The following MGAM variants were observed in gnomAD, a reference collection of about 807,000 sequenced individuals.
MGAM encodes alpha-1,4-glucosidase.
MGAM carries 253 observed loss-of-function variants against 358.8 expected under a neutral mutation model. The ratio of observed to expected loss-of-function variants is 0.71; its 90% CI spans 0.64 to 0.78. The LOEUF (loss-of-function observed/expected upper bound fraction) is 0.78. MGAM is among the 30% of genes least tolerant of loss of function. The pLI, the probability that MGAM is intolerant of heterozygous loss-of-function variation, is 0.00. For missense variants in MGAM, 3,080 were observed against 3,432.6 expected (o/e 0.90, Z 2.57); for synonymous variants, 1,105 against 1,227.1 (o/e 0.90, Z 2.08).
At chr7:142,043,552 AAT>A (rs546398617) in intron 21 of MGAM, among the ~76,000 whole-genome samples, 1,172 of 106,384 alleles carry the variant, frequency 0.011, 220 homozygotes, top group African/African-American at 0.041. Context: ...GATATATCTA[AAT>A]ATATATATTA....
chr7:142,045,421 T>G (rs1286296317), intron 21 of MGAM, among the ~76,000 whole-genome samples: 1 of 111,184 alleles, frequency 9.0e-6, no homozygotes, highest in Admixed American at 1.2e-4. Context: ...TATATATACC[T>G]ATAATACATG....
At position 142,100,838 on chromosome 7, in the gene MGAM, T is replaced by G; in HGVS notation, c.7911T>G (p.Asp2637Glu). 1 of 1,613,252 alleles carries G rather than the reference T, an allele frequency of 6.2e-7. No individual in the cohort carries two copies. Among genetic ancestry groups the G allele is most frequent in the Non-Finnish European group, 8.5e-7 (1 of 1,179,650 alleles). Reference protein sequence around the residue: ...QKFMGFKIALDDEGTAGGWLF... With the variant: ...QKFMGFKIALEDEGTAGGWLF... The stretch of plus-strand genomic sequence containing the variant: ...TCATGGGCTTCAAAATTGCCTTGGA[T>G]GATGAAGGAACTGCTGGGGGCTGGC... Residue 2637 changes from aspartate (D) to glutamate (E), a missense_variant, in exon 68 of 71, where the codon GAT becomes GAG. By Grantham distance (45) the Asp-to-Glu change is conservative (BLOSUM62 2). This residue lies in a region of MGAM where 194 missense variants were observed against 172.8 expected (regional missense o/e 1.12). Transcript: ENST00000475668.
At chr7:142,036,692 G>A (rs1334266266) in intron 17 of MGAM, 131 bp from the exon 18 acceptor site, 8 of 943,890 alleles carry the variant, frequency 8.5e-6, no homozygotes, top group East Asian at 4.9e-5. Flanking sequence ...ACTCAGAAGC[G>A]AGGTTTGCAA....
chr7:142,103,901 G>T (rs1816638777), intron 70 of MGAM, among the ~76,000 whole-genome samples: 1 of 150,462 alleles, frequency 6.6e-6, no homozygotes, highest in African/African-American at 2.4e-5. Context: ...CTGTTGCCCA[G>T]GCTGGAGTGC....
Position 142,083,472 on chromosome 7 carries a change from C to T in MGAM, c.6381+59C>T, listed in dbSNP as rs573312948. 15 of 1,205,730 alleles carry T rather than the reference C, an allele frequency of 1.2e-5. 1 individual carries two copies. The African/African-American group carries it at 1.4e-4, about 11-fold the overall frequency. The allele number at this position is 1,205,730 out of a possible 1,614,324, so 74.7% of individuals were successfully genotyped here. On this transcript the variant is annotated intron_variant, in intron 53 of 70. Transcript: ENST00000475668. ...ATATAGCACATTCTGGGTGCCAGAG[C>T]CCACATTCATTAGTATAACTCTCAG...
chr7:142,052,946 G>T lies in MGAM; in HGVS notation c.3121G>T (p.Asp1041Tyr). ...PSTPVNPLRLDVTYHKNEMLQ... is the reference protein window; with the variant it reads ...PSTPVNPLRLYVTYHKNEMLQ... ...CACACCCGTGAACCCCCTTCGCCTGGATGTCACTTACCATAAGAATGAAAT... is the reference window on the plus strand; with the variant it reads ...CACACCCGTGAACCCCCTTCGCCTGTATGTCACTTACCATAAGAATGAAAT... The change falls in exon 26 of 71, where the codon GAT (aspartate) becomes TAT (tyrosine). Residue 1041 changes from aspartate to tyrosine, a missense_variant. Asp to Tyr is a radical substitution (Grantham distance 160). This residue lies in a region of MGAM where 1,816 missense variants were observed against 1,840.5 expected (regional missense o/e 0.99). Coordinates refer to ENST00000475668, the MANE Select transcript of MGAM (RefSeq NM_001365693.1). 3.7e-6 allele frequency: 6 copies of T among 1,613,798 alleles called. No homozygotes were observed. Among genetic ancestry groups the T allele is most frequent in the Non-Finnish European group, 5.1e-6 (6 of 1,179,832 alleles).
At position 142,050,308 on chromosome 7, in the gene MGAM, C is replaced by G. The variant is rs549226610; in HGVS notation, c.2637+24C>G. On this transcript the variant is annotated intron_variant, in intron 23 of 70. Coordinates refer to ENST00000475668, the MANE Select transcript of MGAM (RefSeq NM_001365693.1). ...AAGTGAGTAGCATATTTTTATGAAT[C>G]TTAGGTGTGGGCTTTGGACTGACCA... is the stretch of plus-strand genomic sequence containing the variant. 3 of 1,609,472 alleles carry G rather than the reference C, an allele frequency of 1.9e-6. No individual in the cohort carries two copies. The East Asian group carries it at 6.7e-5, about 36-fold the overall frequency.
intron 43 of MGAM, among the ~76,000 whole-genome samples, chr7:142,069,916 A>T (rs1813192061): frequency 6.9e-6 from 1 of 145,702 alleles, no homozygotes; most frequent in Admixed American, 6.9e-5. Flanking sequence ...AAATTGGGCC[A>T]GGTGTGGTGG....
intron 5 of MGAM, 91 bp from the exon 6 acceptor site, chr7:142,021,495 C>T (rs1806451623): frequency 7.8e-7 from 1 of 1,279,234 alleles, no homozygotes; most frequent in African/African-American, 1.5e-5. Flanking sequence ...TCAGTTTGAT[C>T]AGTGCCTGAT....
intron 3 of MGAM, among the ~76,000 whole-genome samples, chr7:142,013,770 T>C (rs1554455152): frequency 6.6e-6 from 1 of 152,220 alleles, no homozygotes; most frequent in Non-Finnish European, 1.5e-5. Flanking sequence ...AGGTTTTTTC[T>C]GGTTCTTCTC....
intron 3 of MGAM, among the ~76,000 whole-genome samples, chr7:142,018,691 C>G (rs550876238): frequency 1.3e-5 from 2 of 152,160 alleles, no homozygotes; most frequent in African/African-American, 2.4e-5. Flanking sequence ...CTTTCTGCCT[C>G]TGGAGGAGTT....
chr7:142,055,452 A>G (rs1258765072), intron 27 of MGAM, 106 bp from the exon 28 acceptor site: 11 of 1,388,454 alleles, frequency 7.9e-6, no homozygotes, highest in African/African-American at 1.4e-5. Context: ...GGATATGAAC[A>G]GCTTCTTGGT....
At chr7:142,028,231 A>G (rs572029628) in intron 10 of MGAM, among the ~76,000 whole-genome samples, 1 of 152,138 alleles carries the variant, frequency 6.6e-6, no homozygotes, top group Non-Finnish European at 1.5e-5. Context: ...AAATTCCTCT[A>G]AGATTCTGGC....
At chr7:142,027,428 C>T (rs1807079791) in intron 9 of MGAM, among the ~76,000 whole-genome samples, 182 bp from the exon 10 acceptor site, 1 of 152,000 alleles carries the variant, frequency 6.6e-6, no homozygotes, top group African/African-American at 2.4e-5. Flanking sequence ...ATAAAGGTGC[C>T]CCAAACATGG....
In MGAM at chr7:142,096,339, C is replaced by A. The variant is rs778917542; in HGVS notation, c.7616C>A (p.Ser2539Ter). Residue 2539 changes from serine (S) to a stop codon, truncating the protein, a stop_gained, in exon 65 of 71, where the codon TCA becomes TAA. Coordinates refer to ENST00000475668, the MANE Select transcript of MGAM (RefSeq NM_001365693.1). LOFTEE classifies it high-confidence loss of function. ...TTCATTTCCCTTTCCAGGTTTGTGT[C>A]AGACCAGGTGACATGGGACATAGAC... Reference protein sequence around the residue: ...VVRPLLHEFVSDQVTWDIDSQ... With the variant: ...VVRPLLHEFV 6.8e-6 allele frequency: 11 copies of A among 1,613,424 alleles called. No individual in the cohort carries two copies. In the South Asian group the frequency reaches 1.2e-4, roughly 18 times the overall value.
intron 15 of MGAM, 69 bp from the exon 16 acceptor site, chr7:142,034,600 GT>G (rs1584953921): frequency 2.1e-6 from 3 of 1,398,734 alleles, no homozygotes; most frequent in Non-Finnish European, 3.0e-6. Flanking sequence ...CTTTTGTATT[GT>G]TGCTGTATCC....
intron 20 of MGAM, 37 bp downstream of exon 20, chr7:142,040,208 T>A (rs745885413): frequency 3.5e-5 from 53 of 1,507,902 alleles, no homozygotes; most frequent in Non-Finnish European, 4.7e-5. Context: ...TCCTTAAGAC[T>A]GTAGCTGCAG....
At chr7:142,053,769 A>G (rs1811241084) in intron 26 of MGAM, among the ~76,000 whole-genome samples, 2 of 152,140 alleles carry the variant, frequency 1.3e-5, no homozygotes. Flanking sequence ...AAGGTTCTTT[A>G]CAATCTGACA....
chr7:141,993,645 G>A (rs1284703507), upstream of MGAM, among the ~76,000 whole-genome samples: 3 of 152,076 alleles, frequency 2.0e-5, no homozygotes, highest in Non-Finnish European at 4.4e-5. Context: ...GAACTTGGAG[G>A]GGGAAAATAT....
Sources: gnomAD v4.1 joint callset for allele counts (sites outside exome capture counted in the v4.1 genomes callset) on GRCh38, gnomAD v4.1.1 for gene constraint, gnomAD v4.1.1 regional missense constraint, MANE v1.5 for transcripts, NCBI Gene and HGNC (gene_info 2026-07-23, HGNC 2026-07-21) for gene names.